The following CNOT2 variants were observed in gnomAD, a reference collection of about 807,000 sequenced individuals.
CNOT2 encodes CCR4-NOT transcription complex subunit 2, also known as CC chemokine receptor 4-negative regulator of transcription 2.
CNOT2 carries 7 observed loss-of-function variants against 72.1 expected under a neutral mutation model. The ratio of observed to expected loss-of-function variants is 0.10; its 90% CI spans 0.06 to 0.18. The LOEUF (loss-of-function observed/expected upper bound fraction) is 0.18, where lower values mean the gene tolerates loss of function less well. Among genes scored for constraint, CNOT2 ranks in the 10% least tolerant of loss-of-function variants. The pLI is 1.00. For missense variants in CNOT2, 345 were observed against 660.3 expected (o/e 0.52, Z 5.23); for synonymous variants, 196 against 225.6 (o/e 0.87, Z 1.17).
intron 2 of CNOT2, 143 bp downstream of exon 2, chr12:70,278,417 G>C (rs571200459): frequency 1.9e-6 from 1 of 526,614 alleles, no homozygotes; most frequent in East Asian, 3.0e-5. Flanking sequence ...ATTAAGTACT[G>C]GATTTGATAG....
At chr12:70,296,306 T>C (rs2135889366) in intron 2 of CNOT2, among the ~76,000 whole-genome samples, 1 of 152,266 alleles carries the variant, frequency 6.6e-6, no homozygotes, top group South Asian at 2.1e-4. Context: ...ATTGTGGAAG[T>C]GTTTGTATAG....
intron 1 of CNOT2, among the ~76,000 whole-genome samples, chr12:70,263,157 A>G (rs528041617): frequency 6.6e-6 from 1 of 152,012 alleles, no homozygotes; most frequent in African/African-American, 2.4e-5. Context: ...TTGGCTTCCA[A>G]CGTTTTGTGC....
At chr12:70,257,991 C>G (rs752311575) in intron 1 of CNOT2, among the ~76,000 whole-genome samples, 22 of 152,224 alleles carry the variant, frequency 1.4e-4, no homozygotes, top group Admixed American at 5.2e-4. Flanking sequence ...GTTGTGTTAA[C>G]AAAAAGTTCT....
intron 2 of CNOT2, among the ~76,000 whole-genome samples, chr12:70,279,773 C>T (rs916878765): frequency 6.6e-6 from 1 of 152,146 alleles, no homozygotes; most frequent in African/African-American, 2.4e-5. Flanking sequence ...CATGGAACCA[C>T]ATTAATATAG....
At chr12:70,281,337 C>T (rs1197000495) in intron 2 of CNOT2, among the ~76,000 whole-genome samples, 1 of 152,092 alleles carries the variant, frequency 6.6e-6, no homozygotes, top group African/African-American at 2.4e-5. Context: ...CCCGCCTTGG[C>T]CTCTGAAAGT....
chr12:70,334,424 A>G (rs1377225094), intron 7 of CNOT2: 1 of 152,034 alleles, frequency 6.6e-6, no homozygotes, highest in Non-Finnish European at 1.5e-5. Flanking sequence ...AATGGTGTCT[A>G]TTGTTTTTCT....
At chr12:70,344,291 C>A in intron 14 of CNOT2, 63 bp downstream of exon 14, 2 of 979,540 alleles carry the variant, frequency 2.0e-6, no homozygotes, top group Non-Finnish European at 3.2e-6. Context: ...CTGAAAACAT[C>A]TTTAAGTGAT....
At chr12:70,245,569 A>C (rs1278025997) in intron 1 of CNOT2, among the ~76,000 whole-genome samples, 1 of 152,156 alleles carries the variant, frequency 6.6e-6, no homozygotes, top group Non-Finnish European at 1.5e-5. Flanking sequence ...CTGTTTAACC[A>C]AGCAACAAAT....
At chr12:70,259,863 A>G (rs1958665091) in intron 1 of CNOT2, among the ~76,000 whole-genome samples, 1 of 152,204 alleles carries the variant, frequency 6.6e-6, no homozygotes, top group South Asian at 2.1e-4. Context: ...TGTATAGAGT[A>G]TTTGAAGAGA....
intron 6 of CNOT2, 96 bp from the exon 7 acceptor site, chr12:70,332,668 GTTA>G: frequency 7.3e-7 from 1 of 1,365,092 alleles, no homozygotes. Context: ...GAAACATATT[GTTA>G]TTTTATATGG....
intron 2 of CNOT2, among the ~76,000 whole-genome samples, chr12:70,288,069 A>G (rs1871202119): frequency 6.7e-6 from 1 of 149,312 alleles, no homozygotes; most frequent in African/African-American, 2.4e-5. Flanking sequence ...CTTACCATAA[A>G]TAACAGGAAC....
intron 3 of CNOT2, among the ~76,000 whole-genome samples, chr12:70,318,385 A>T (rs950158408): frequency 2.6e-5 from 4 of 151,780 alleles, no homozygotes; most frequent in African/African-American, 9.6e-5. Flanking sequence ...TTTTTTAACA[A>T]CTGGATACTG....
intron 4 of CNOT2, among the ~76,000 whole-genome samples, chr12:70,327,909 G>A (rs1879339555): frequency 6.6e-6 from 1 of 151,848 alleles, no homozygotes; most frequent in Admixed American, 6.6e-5. Context: ...GATTTCTTCT[G>A]AAGAAATCTT....
intron 2 of CNOT2, among the ~76,000 whole-genome samples, chr12:70,304,494 G>T (rs1315822834): frequency 1.3e-5 from 2 of 152,224 alleles, no homozygotes; most frequent in African/African-American, 4.8e-5. Flanking sequence ...CTGGGTATCA[G>T]CAGCGGTGGC....
At chr12:70,300,454 C>T (rs946286036) in intron 2 of CNOT2, among the ~76,000 whole-genome samples, 57 of 152,266 alleles carry the variant, frequency 3.7e-4, no homozygotes, top group African/African-American at 1.3e-3. Flanking sequence ...CCAGTTTTCC[C>T]AGCACCATTT....
At chr12:70,269,336 A>G (rs1959174903) in intron 1 of CNOT2, among the ~76,000 whole-genome samples, 1 of 151,296 alleles carries the variant, frequency 6.6e-6, no homozygotes, top group Admixed American at 6.6e-5. Flanking sequence ...ACTCTCTGCC[A>G]ACAACCTTGT....
In CNOT2 at chr12:70,244,195, G is replaced by A. The variant is rs2135670701; in HGVS notation, c.-96+715G>A. ...TCTGCCACCGCACCAGGAAGGTGAA[G>A]CTTCCGTAGTGTCGTAGACTGAGTC... On this transcript the variant is annotated intron_variant, in intron 1 of 15. Transcript: ENST00000229195. The A allele has an allele frequency of 2.0e-5, 3 of 152,396 alleles. No homozygotes were observed. The South Asian group carries it at 6.2e-4, about 32-fold the overall frequency. The allele number at this position is 152,396 out of a possible 1,614,324, so 9.4% of individuals were successfully genotyped here.
chr12:70,247,118 TA>T (rs1957913662), intron 1 of CNOT2, among the ~76,000 whole-genome samples: 1 of 152,068 alleles, frequency 6.6e-6, no homozygotes, highest in Non-Finnish European at 1.5e-5. Flanking sequence ...TATAGTTAGA[TA>T]TTTTGGACTA....
intron 15 of CNOT2, among the ~76,000 whole-genome samples, chr12:70,351,382 G>GGT (rs1372059865): frequency 1.3e-5 from 2 of 151,990 alleles, no homozygotes; most frequent in Non-Finnish European, 2.9e-5. Flanking sequence ...ACATGTAAAT[G>GGT]GTGTTACCAG....
Sources: gnomAD v4.1 joint callset for allele counts (sites outside exome capture counted in the v4.1 genomes callset) on GRCh38, gnomAD v4.1.1 for gene constraint, MANE v1.5 for transcripts, NCBI Gene and HGNC (gene_info 2026-07-23, HGNC 2026-07-21) for gene names.